PIGU: variants seen among roughly 807,000 people sequenced by gnomAD.
The protein encoded by PIGU is GPI-anchor transamidase component PIGU.
A neutral mutation model predicts 49.9 loss-of-function variants in PIGU; 24 were observed. The observed-to-expected ratio is 0.48, with a 90% CI of 0.35 to 0.68. PIGU has a LOEUF of 0.68. PIGU is among the 30% of genes least tolerant of loss of function. The probability of loss-of-function intolerance (pLI) is 0.01; values close to 1 mark genes in which losing one functional copy is unlikely to be tolerated. For missense variants in PIGU, 490 were observed against 532.6 expected (o/e 0.92, Z 0.79); for synonymous variants, 220 against 205.7 (o/e 1.07, Z -0.59).
intron 2 of PIGU, among the ~76,000 whole-genome samples, chr20:34,647,861 T>C (rs920172934): frequency 6.6e-6 from 1 of 152,206 alleles, no homozygotes. Context: ...ATATATGACA[T>C]GTAGGCTCAG....
At position 34,642,821 on chromosome 20, in the gene PIGU, G is replaced by A. The variant is rs573223280; in HGVS notation, c.318+1343C>T. Reference sequence around the variant, plus strand: ...TGCCCAGGCTGGAGTACAGTGGCGCGATCTTGGCTCACTCCAATCTCCACC... The same window carrying A: ...TGCCCAGGCTGGAGTACAGTGGCGCAATCTTGGCTCACTCCAATCTCCACC... On this transcript the variant is annotated intron_variant, in intron 4 of 11. Coordinates refer to ENST00000217446, the MANE Select transcript of PIGU (RefSeq NM_080476.5). Among the ~76,000 whole-genome samples the A allele has an allele frequency of 3.6e-3, 517 of 144,498 alleles. 4 individuals are homozygous for A. Among genetic ancestry groups the A allele is most frequent in the African/African-American group, 0.013 (506 of 38,866 alleles). The allele number at this position is 144,498 out of a possible 152,430, so 94.8% of individuals were successfully genotyped here.
intron 1 of PIGU, among the ~76,000 whole-genome samples, chr20:34,665,057 A>T (rs1366956353): frequency 6.6e-6 from 1 of 151,742 alleles, no homozygotes; most frequent in East Asian, 1.9e-4. Flanking sequence ...ACAGTCTCAC[A>T]CTCTGTCGCC....
chr20:34,662,397 T>A (rs1336355262), intron 1 of PIGU, among the ~76,000 whole-genome samples: 1 of 50,260 alleles, frequency 2.0e-5, no homozygotes, highest in Non-Finnish European at 4.2e-5. Flanking sequence ...GCCCTTTGCC[T>A]TTTTTTTTTT....
chr20:34,605,844 C>T (rs1016365069), intron 7 of PIGU, among the ~76,000 whole-genome samples: 1 of 152,094 alleles, frequency 6.6e-6, no homozygotes, highest in African/African-American at 2.4e-5. Flanking sequence ...TTTATTTTTG[C>T]TGAACCATGT....
chr20:34,588,411 T>C (rs1568627975), intron 8 of PIGU, 42 bp downstream of exon 8: 1 of 1,574,124 alleles, frequency 6.4e-7, no homozygotes, highest in Admixed American at 1.8e-5. Context: ...GGTTCCCTTT[T>C]CCCCACAGCT....
chr20:34,646,265 G>T (rs1204461715), intron 2 of PIGU, among the ~76,000 whole-genome samples: 1 of 152,118 alleles, frequency 6.6e-6, no homozygotes, highest in Non-Finnish European at 1.5e-5. Flanking sequence ...GTCAATTTAG[G>T]TAAGTTGTGT....
chr20:34,662,290 CT>C (rs761352954), intron 1 of PIGU, among the ~76,000 whole-genome samples: 9 of 152,084 alleles, frequency 5.9e-5, no homozygotes, highest in Non-Finnish European at 8.8e-5. Context: ...TCAGGCTGGT[CT>C]CAAACTCCTG....
intron 2 of PIGU, among the ~76,000 whole-genome samples, chr20:34,650,241 T>G (rs1986487538): frequency 6.6e-6 from 1 of 152,064 alleles, no homozygotes; most frequent in Non-Finnish European, 1.5e-5. Context: ...TATTTATTTC[T>G]TGAACATATT....
intron 7 of PIGU, among the ~76,000 whole-genome samples, chr20:34,612,808 A>C (rs1238254053): frequency 6.6e-6 from 1 of 151,814 alleles, no homozygotes; most frequent in African/African-American, 2.4e-5. Flanking sequence ...GTTTTAGTAG[A>C]GACAAGGTTT....
intron 2 of PIGU, among the ~76,000 whole-genome samples, chr20:34,652,904 T>C (rs1199326373): frequency 6.6e-6 from 1 of 152,104 alleles, no homozygotes; most frequent in Non-Finnish European, 1.5e-5. Context: ...TCCGTGTACA[T>C]TTGAAAAAAA....
chr20:34,593,695 AC>A (rs1984084662), intron 7 of PIGU, among the ~76,000 whole-genome samples: 1 of 152,234 alleles, frequency 6.6e-6, no homozygotes, highest in African/African-American at 2.4e-5. Flanking sequence ...CCTATCTCTC[AC>A]ACCATTCACA....
At chr20:34,601,631 C>T (rs759997464) in intron 7 of PIGU, among the ~76,000 whole-genome samples, 12 of 152,186 alleles carry the variant, frequency 7.9e-5, no homozygotes, top group Non-Finnish European at 1.3e-4. Context: ...GCTGCTGAAA[C>T]GACCTGCTGT....
chr20:34,650,700 C>CTTTTTTTTTTTTTT lies in PIGU; in HGVS notation c.196-5380_196-5367dup, dbSNP rs59998699. 4.4e-3 allele frequency among the ~76,000 whole-genome samples: 172 copies of CTTTTTTTTTTTTTT among 38,786 alleles called. 50 individuals carry two copies. The highest frequency in any genetic ancestry group is 5.6e-3 in the Non-Finnish European group (128 of 22,816). 25.4% of individuals were successfully genotyped at this position (38,786 alleles called of 152,430 possible). A position where few individuals can be genotyped will look rare whatever the true frequency, so the allele number is the denominator to read the frequency against. On this transcript the variant is annotated intron_variant, in intron 2 of 11. Transcript: ENST00000217446. ...AATTTTTTTCCTTTTCTTTTTTTCT[C>CTTTTTTTTTTTTTT]TTTTTTTTTTTTTTTTTTTTTTTTT... is the stretch of plus-strand genomic sequence containing the variant.
intron 4 of PIGU, among the ~76,000 whole-genome samples, chr20:34,640,152 C>T (rs1986104512): frequency 6.6e-6 from 1 of 152,204 alleles, no homozygotes; most frequent in Non-Finnish European, 1.5e-5. Flanking sequence ...GAGAAAGTGG[C>T]AACTACCCGG....
At chr20:34,581,417 T>C in intron 10 of PIGU, 131 bp downstream of exon 10, 2 of 1,273,178 alleles carry the variant, frequency 1.6e-6, no homozygotes, top group South Asian at 1.5e-5. Context: ...TTGTGCTTCA[T>C]GCCTCTGCTC....
chr20:34,616,203 TC>T, intron 6 of PIGU, 64 bp from the exon 7 acceptor site: 1 of 1,553,884 alleles, frequency 6.4e-7, no homozygotes, highest in Middle Eastern at 1.7e-4. Context: ...ACTCAGCAAG[TC>T]CCTCTCAACA....
chr20:34,580,021 G>A (rs1425112892), intron 10 of PIGU, among the ~76,000 whole-genome samples: 2 of 152,210 alleles, frequency 1.3e-5, no homozygotes, highest in African/African-American at 4.8e-5. Flanking sequence ...GTTAAATGAT[G>A]TGCCTAAGAA....
intron 2 of PIGU, among the ~76,000 whole-genome samples, chr20:34,650,700 CTTTTTTTTTTTTTTTTTT>C (rs59998699): frequency 7.7e-5 from 3 of 38,796 alleles, no homozygotes; most frequent in South Asian, 1.1e-3. Context: ...CTTTTTTTCT[CTTTTTTTTTTTTTTTTTT>C]TTTTTTTTTT....
intron 1 of PIGU, among the ~76,000 whole-genome samples, chr20:34,673,186 G>A (rs1987367692): frequency 2.0e-5 from 3 of 150,356 alleles, no homozygotes; most frequent in South Asian, 4.2e-4. Flanking sequence ...CCCGGGAGGC[G>A]GAGCTTGCAG....
Sources: allele counts gnomAD v4.1 joint callset (sites outside exome capture counted in the v4.1 genomes callset), GRCh38; gene constraint gnomAD v4.1.1; transcripts MANE v1.5; gene names NCBI Gene and HGNC (gene_info 2026-07-23, HGNC 2026-07-21).